ACOT13: variants seen among roughly 807,000 people sequenced by gnomAD.
The protein encoded by ACOT13 is acyl-CoA thioesterase 13, also known as acyl-coenzyme A thioesterase 13.
ACOT13 carries 10 observed loss-of-function variants against 11.8 expected under a neutral mutation model. That is an observed-to-expected ratio of 0.85 (90% CI 0.53 to 1.44). The LOEUF is 1.44. Among genes scored for constraint, ACOT13 ranks in the 40% most tolerant of loss-of-function variants. The pLI is 0.00. For synonymous variants in ACOT13, 53 were observed against 61.0 expected (o/e 0.87, Z 0.61); for missense variants, 172 against 174.1 (o/e 0.99, Z 0.07).
chr6:24,677,290 G>A (rs575580252), intron 1 of ACOT13, among the ~76,000 whole-genome samples: 62 of 152,294 alleles, frequency 4.1e-4, no homozygotes, highest in African/African-American at 1.4e-3. Flanking sequence ...GCACAAGTGC[G>A]CAGTCACACC....
rs988804113 is a variant in ACOT13, at chr6:24,698,215, T to C, written c.266+148T>C. 1.2e-5 allele frequency: 9 copies of C among 732,964 alleles called. No homozygotes were observed. The African/African-American group carries it at 1.5e-4, about 12-fold the overall frequency. 45.4% of individuals were successfully genotyped at this position (732,964 alleles called of 1,614,324 possible). On this transcript the variant is annotated intron_variant, in intron 2 of 2. Transcript: ENST00000230048. Reference sequence around the variant, plus strand: ...CACCTATAGATTTTGTCCTAAAATATTCCAGCCTTAAAATCTAGAACTAGA... The same window carrying C: ...CACCTATAGATTTTGTCCTAAAATACTCCAGCCTTAAAATCTAGAACTAGA...
chr6:24,673,339 GT>G (rs1190258088), intron 1 of ACOT13, among the ~76,000 whole-genome samples: 1 of 151,968 alleles, frequency 6.6e-6, no homozygotes. Flanking sequence ...TGAACTTTCA[GT>G]TTTAAAAAAA....
chr6:24,695,826 G>A (rs1778786971), intron 1 of ACOT13, among the ~76,000 whole-genome samples: 1 of 152,182 alleles, frequency 6.6e-6, no homozygotes, highest in Admixed American at 6.5e-5. Flanking sequence ...CAGCACTTTG[G>A]GAGGCCAAGG....
chr6:24,669,756 C>A (rs941621814), intron 1 of ACOT13, among the ~76,000 whole-genome samples: 6 of 152,086 alleles, frequency 3.9e-5, no homozygotes, highest in African/African-American at 1.2e-4. Flanking sequence ...TGAAAAACAA[C>A]AAACAAAAGA....
Position 24,667,176 on chromosome 6 carries a change from G to A in ACOT13, c.-88G>A. The A allele has an allele frequency of 7.3e-7, 1 of 1,374,432 alleles. No individual in the cohort carries two copies. Among genetic ancestry groups the A allele is most frequent in the Non-Finnish European group, 1.0e-6 (1 of 979,874 alleles). The allele number at this position is 1,374,432 out of a possible 1,614,324, so 85.1% of individuals were successfully genotyped here. ...AGGGTGCGGGCTCTTCGCCCTTTGTGTCCTCCTTCTTTCACTAACTTCTGG... is the reference window on the plus strand; with the variant it reads ...AGGGTGCGGGCTCTTCGCCCTTTGTATCCTCCTTCTTTCACTAACTTCTGG... On this transcript the variant is annotated 5_prime_UTR_variant, in exon 1 of 3. Coordinates refer to ENST00000230048, the MANE Select transcript of ACOT13 (RefSeq NM_018473.4).
chr6:24,670,982 G>A (rs1778352952), intron 1 of ACOT13, among the ~76,000 whole-genome samples: 1 of 152,110 alleles, frequency 6.6e-6, no homozygotes, highest in African/African-American at 2.4e-5. Context: ...GAGAGGATGT[G>A]GAGGAATAGT....
rs1562158362 is a variant in ACOT13 at position 24,682,672 on chromosome 6, A to AGTGGCGGGTCTGCG, written c.82-15206_82-15205insGGGTCTGCGGTGGC. ...GGATGGGAGTCAGTGGTGGGTCTGC[A>AGTGGCGGGTCTGCG]GTGGCAGGTCTGCGGTGGCGGGTCT... On this transcript the variant is annotated intron_variant, in intron 1 of 2. Transcript: ENST00000230048. Among the ~76,000 whole-genome samples the AGTGGCGGGTCTGCG allele has an allele frequency of 7.8e-4, 118 of 150,612 alleles. 6 individuals are homozygous for AGTGGCGGGTCTGCG. The highest frequency in any genetic ancestry group is 2.7e-3 in the African/African-American group (112 of 40,786).
chr6:24,698,110 C>T (rs951838503), intron 2 of ACOT13, 43 bp downstream of exon 2: 1 of 1,477,328 alleles, frequency 6.8e-7, no homozygotes, highest in Non-Finnish European at 9.0e-7. Context: ...TGTGTGATAA[C>T]TGTCTAAACA....
intron 1 of ACOT13, among the ~76,000 whole-genome samples, chr6:24,685,520 G>T (rs539969041): frequency 2.0e-4 from 30 of 151,904 alleles, no homozygotes; most frequent in Admixed American, 5.9e-4. Context: ...CTAATTTTTT[G>T]TATTTTTAGT....
At chr6:24,688,929 A>T (rs1263244233) in intron 1 of ACOT13, among the ~76,000 whole-genome samples, 1 of 152,234 alleles carries the variant, frequency 6.6e-6, no homozygotes, top group Non-Finnish European at 1.5e-5. Flanking sequence ...AAGTAGGCAC[A>T]AAAGACATAA....
At position 24,701,644 on chromosome 6, in the gene ACOT13, C is replaced by G; in HGVS notation, c.*29C>G. On this transcript the variant is annotated 3_prime_UTR_variant, in exon 3 of 3. Transcript: ENST00000230048. Reference sequence around the variant, plus strand: ...AACAGCAGAATGACCTAAAGAAACCCAACAATGAATATCAAGTATAGATTT... The same window carrying G: ...AACAGCAGAATGACCTAAAGAAACCGAACAATGAATATCAAGTATAGATTT... 1 of 1,566,788 alleles carries G rather than the reference C, an allele frequency of 6.4e-7. No individual in the cohort carries two copies. The highest frequency in any genetic ancestry group is 8.7e-7 in the Non-Finnish European group (1 of 1,154,754).
At chr6:24,683,226 G>T (rs972850072) in intron 1 of ACOT13, among the ~76,000 whole-genome samples, 4 of 152,308 alleles carry the variant, frequency 2.6e-5, no homozygotes, top group African/African-American at 9.6e-5. Context: ...TTTGAGACAG[G>T]TCTCAGTTAA....
intron 1 of ACOT13, among the ~76,000 whole-genome samples, chr6:24,692,246 C>G (rs1778728304): frequency 6.6e-6 from 1 of 152,084 alleles, no homozygotes; most frequent in Non-Finnish European, 1.5e-5. Flanking sequence ...CACGACGTCA[C>G]CAAATGCTGA....
intron 1 of ACOT13, among the ~76,000 whole-genome samples, chr6:24,680,095 C>T (rs1778522268): frequency 6.6e-6 from 1 of 152,054 alleles, no homozygotes; most frequent in Admixed American, 6.6e-5. Flanking sequence ...GATAGGGAGG[C>T]AGACTCTGAG....
chr6:24,685,844 G>A (rs140003643), intron 1 of ACOT13, among the ~76,000 whole-genome samples: 170 of 152,260 alleles, frequency 1.1e-3, no homozygotes, highest in Non-Finnish European at 2.0e-3. Flanking sequence ...CAACAAAAAA[G>A]TATGCAGTCC....
chr6:24,669,698 G>C (rs1439325594), intron 1 of ACOT13, among the ~76,000 whole-genome samples: 1 of 152,144 alleles, frequency 6.6e-6, no homozygotes, highest in African/African-American at 2.4e-5. Flanking sequence ...ATTTTTAGAA[G>C]GCTGTGAACT....
chr6:24,692,445 C>G (rs1006761683), intron 1 of ACOT13, among the ~76,000 whole-genome samples: 9 of 152,296 alleles, frequency 5.9e-5, no homozygotes, highest in African/African-American at 2.2e-4. Context: ...GGGACAGGGT[C>G]TCACTCTGTC....
chr6:24,702,661 G>A lies in ACOT13; in HGVS notation c.*1046G>A, dbSNP rs1013021291. The A allele has an allele frequency of 6.6e-6, 1 of 151,780 alleles. No individual in the cohort carries two copies. The highest frequency in any genetic ancestry group is 2.4e-5 in the African/African-American group (1 of 41,250). 9.4% of individuals were successfully genotyped at this position (151,780 alleles called of 1,614,324 possible). ...AAGATTATGAAACTTCAAAATATAT[G>A]AACTACAGCCCATATTGAAAAATAA... On this transcript the variant is annotated 3_prime_UTR_variant, in exon 3 of 3. Coordinates refer to ENST00000230048, the MANE Select transcript of ACOT13 (RefSeq NM_018473.4).
At chr6:24,699,941 CA>C (rs1390081739) in intron 2 of ACOT13, among the ~76,000 whole-genome samples, 4 of 152,168 alleles carry the variant, frequency 2.6e-5, no homozygotes, top group Non-Finnish European at 5.9e-5. Flanking sequence ...TGATTCACTT[CA>C]ACAAAAACTA....
Sources: gnomAD v4.1 joint callset for allele counts (sites outside exome capture counted in the v4.1 genomes callset) on GRCh38, gnomAD v4.1.1 for gene constraint, MANE v1.5 for transcripts, NCBI Gene and HGNC (gene_info 2026-07-23, HGNC 2026-07-21) for gene names.